The following UGGT2 variants were observed in gnomAD, a reference collection of about 807,000 sequenced individuals.
UGGT2 encodes the protein UDP-glucose glycoprotein glucosyltransferase 2.
In UGGT2, 180 loss-of-function variants were observed where a neutral mutation model predicts 192.1. That is an observed-to-expected ratio of 0.94 (90% CI 0.83 to 1.06). UGGT2 has a LOEUF of 1.06. Ranked by LOEUF, UGGT2 falls within the 50% of genes least tolerant of loss-of-function variation. The pLI, the probability that UGGT2 is intolerant of heterozygous loss-of-function variation, is 0.00. For synonymous variants in UGGT2, 580 were observed against 591.0 expected (o/e 0.98, Z 0.27); for missense variants, 1,849 against 1,795.7 (o/e 1.03, Z -0.54).
At chr13:95,877,908 A>G (rs770587647) in intron 27 of UGGT2, 52 bp from the exon 28 acceptor site, 3 of 1,510,056 alleles carry the variant, frequency 2.0e-6, no homozygotes, top group South Asian at 2.7e-5. Flanking sequence ...CTCATAATAC[A>G]AAATTTTGAA....
At chr13:95,804,963 G>A (rs921250555) in intron 38 of UGGT2, among the ~76,000 whole-genome samples, 1 of 151,994 alleles carries the variant, frequency 6.6e-6, no homozygotes, top group Non-Finnish European at 1.5e-5. Flanking sequence ...AAAAACCTTT[G>A]TGTATCAAAT....
intron 12 of UGGT2, among the ~76,000 whole-genome samples, chr13:95,954,133 C>CT (rs1566750513): frequency 2.0e-5 from 3 of 152,138 alleles, no homozygotes; most frequent in African/African-American, 7.2e-5. Flanking sequence ...TAGTTTCATA[C>CT]ACACAATTTA....
intron 32 of UGGT2, 91 bp from the exon 33 acceptor site, chr13:95,859,766 T>C: frequency 1.1e-6 from 1 of 939,712 alleles, no homozygotes; most frequent in Non-Finnish European, 1.5e-6. Flanking sequence ...TAAAATTTAA[T>C]TTTAATTTCT....
chr13:96,019,047 G>C (rs769565915), intron 4 of UGGT2, among the ~76,000 whole-genome samples: 1 of 125,936 alleles, frequency 7.9e-6, no homozygotes, highest in African/African-American at 3.0e-5. Flanking sequence ...ATATTGATAA[G>C]ATATCACAAA....
chr13:95,972,199 A>T (rs1484439306), intron 11 of UGGT2, among the ~76,000 whole-genome samples: 1 of 151,724 alleles, frequency 6.6e-6, no homozygotes, highest in Non-Finnish European at 1.5e-5. Flanking sequence ...AAGCATTTTA[A>T]ATTCCTCTTG....
chr13:95,940,707 G>A (rs1332792033), intron 15 of UGGT2, among the ~76,000 whole-genome samples: 2 of 150,182 alleles, frequency 1.3e-5, no homozygotes, highest in African/African-American at 2.4e-5. Flanking sequence ...CACCTCCTGC[G>A]GCCTCCCGAA....
intron 1 of UGGT2, among the ~76,000 whole-genome samples, chr13:96,043,235 T>C (rs1322849851): frequency 6.6e-6 from 1 of 152,120 alleles, no homozygotes; most frequent in African/African-American, 2.4e-5. Flanking sequence ...ACAAAACAAT[T>C]ATCAGTCAAG....
chr13:96,005,543 A>G (rs2051946499), intron 5 of UGGT2, among the ~76,000 whole-genome samples: 1 of 152,178 alleles, frequency 6.6e-6, no homozygotes, highest in East Asian at 1.9e-4. Flanking sequence ...AAGGGCAACA[A>G]AATTGTAGCT....
At chr13:95,909,347 C>T (rs2048399203) in intron 20 of UGGT2, among the ~76,000 whole-genome samples, 1 of 151,732 alleles carries the variant, frequency 6.6e-6, no homozygotes, top group South Asian at 2.1e-4. Context: ...GACTTGGAAC[C>T]AACCCAAATG....
At chr13:95,888,009 T>A (rs184018960) in intron 25 of UGGT2, 38 bp from the exon 26 acceptor site, 1 of 1,321,850 alleles carries the variant, frequency 7.6e-7, no homozygotes, top group African/African-American at 1.5e-5. Context: ...TATTAAATAA[T>A]ATTAATAGCT....
intron 5 of UGGT2, among the ~76,000 whole-genome samples, chr13:96,007,311 A>T (rs1052618781): frequency 6.6e-6 from 1 of 152,164 alleles, no homozygotes; most frequent in Non-Finnish European, 1.5e-5. Context: ...CAAAATAATT[A>T]AGGCCATATA....
chr13:95,955,154 G>C (rs1042214499), intron 12 of UGGT2, among the ~76,000 whole-genome samples: 15 of 152,190 alleles, frequency 9.9e-5, no homozygotes, highest in Non-Finnish European at 1.6e-4. Context: ...GGTATTTGTA[G>C]ATTCAACAAA....
At chr13:95,936,861 GTT>G (rs879583254) in intron 17 of UGGT2, 61 bp downstream of exon 17, 7 of 1,339,172 alleles carry the variant, frequency 5.2e-6, no homozygotes, top group Non-Finnish European at 6.9e-6. Flanking sequence ...ATTAAAATAA[GTT>G]TTTAATAAAA....
At chr13:95,913,322 T>A (rs78087692) in intron 20 of UGGT2, among the ~76,000 whole-genome samples, 55,484 of 151,726 alleles carry the variant, frequency 0.37, 10,445 homozygotes, top group Middle Eastern at 0.42. Flanking sequence ...TGGGAGAAAA[T>A]TTTTGCAATC....
intron 22 of UGGT2, among the ~76,000 whole-genome samples, chr13:95,899,886 C>G (rs900860770): frequency 6.6e-6 from 1 of 152,024 alleles, no homozygotes; most frequent in Non-Finnish European, 1.5e-5. Flanking sequence ...ATCTAATATG[C>G]AGGTGAACAG....
At chr13:95,870,885 C>T (rs958154520) in intron 29 of UGGT2, among the ~76,000 whole-genome samples, 1 of 152,176 alleles carries the variant, frequency 6.6e-6, no homozygotes, top group Non-Finnish European at 1.5e-5. Flanking sequence ...GGTGCTACCA[C>T]AAAAGGGCAA....
chr13:95,970,008 T>A, intron 12 of UGGT2, 104 bp downstream of exon 12: 3 of 1,224,418 alleles, frequency 2.5e-6, no homozygotes, highest in Non-Finnish European at 3.5e-6. Flanking sequence ...CTGAGAACTG[T>A]TCCAAAATGC....
chr13:95,952,055 C>CAAAAA (rs34833403), intron 12 of UGGT2, among the ~76,000 whole-genome samples: 24 of 143,614 alleles, frequency 1.7e-4, no homozygotes, highest in African/African-American at 4.4e-4. Flanking sequence ...GAGACTGTCT[C>CAAAAA]AAAAAAAAAA....
intron 38 of UGGT2, among the ~76,000 whole-genome samples, chr13:95,821,463 T>C (rs904262983): frequency 6.6e-6 from 1 of 152,194 alleles, no homozygotes; most frequent in Non-Finnish European, 1.5e-5. Context: ...GAGTTTTTTG[T>C]AGATTCTGGA....
Sources: gnomAD v4.1 joint callset for allele counts (sites outside exome capture counted in the v4.1 genomes callset) on GRCh38, gnomAD v4.1.1 for gene constraint, MANE v1.5 for transcripts, NCBI Gene and HGNC (gene_info 2026-07-23, HGNC 2026-07-21) for gene names.